UTRN: variants seen among roughly 807,000 people sequenced by gnomAD.
UTRN encodes utrophin, also known as dystrophin-related protein 1.
In UTRN, 283 loss-of-function variants were observed where a neutral mutation model predicts 463.9. That is an observed-to-expected ratio of 0.61 (90% CI 0.55 to 0.67). The LOEUF is 0.67. UTRN is among the 30% of genes least tolerant of loss of function. The pLI is 0.00. For synonymous variants in UTRN, 1,442 were observed against 1,431.5 expected (o/e 1.01, Z -0.17); for missense variants, 3,922 against 4,084.3 (o/e 0.96, Z 1.08).
chr6:144,676,301 C>T (rs558779452), intron 51 of UTRN, among the ~76,000 whole-genome samples: 10 of 152,092 alleles, frequency 6.6e-5, no homozygotes, highest in South Asian at 4.1e-4. Context: ...ATATGTTTTT[C>T]GTGCTTATTC....
chr6:144,295,831 A>G (rs1303678416), intron 2 of UTRN, among the ~76,000 whole-genome samples: 1 of 152,202 alleles, frequency 6.6e-6, no homozygotes, highest in Non-Finnish European at 1.5e-5. Flanking sequence ...AATGTGAGCC[A>G]TACTGAAGTG....
chr6:144,293,105 T>G (rs1344360615), intron 2 of UTRN, among the ~76,000 whole-genome samples: 1 of 152,186 alleles, frequency 6.6e-6, no homozygotes, highest in African/African-American at 2.4e-5. Context: ...TTGTTTTAAA[T>G]GTTTTAGTGG....
chr6:144,287,750 G>T (rs997657244), intron 1 of UTRN, among the ~76,000 whole-genome samples: 1 of 152,160 alleles, frequency 6.6e-6, no homozygotes, highest in Non-Finnish European at 1.5e-5. Flanking sequence ...GAAGCGTTCT[G>T]AAGGGAGAGT....
chr6:144,433,211 A>AC (rs1786072376), intron 9 of UTRN, among the ~76,000 whole-genome samples: 4 of 151,884 alleles, frequency 2.6e-5, no homozygotes, highest in Non-Finnish European at 4.4e-5. Context: ...TACACCTCCC[A>AC]GACGGGGTGG....
At chr6:144,585,508 A>T (rs953574635) in intron 51 of UTRN, among the ~76,000 whole-genome samples, 1 of 152,110 alleles carries the variant, frequency 6.6e-6, no homozygotes, top group Non-Finnish European at 1.5e-5. Flanking sequence ...AAATAAATAA[A>T]CTAGTAACAG....
chr6:144,752,165 T>A (rs2128723781), intron 56 of UTRN, among the ~76,000 whole-genome samples: 1 of 152,346 alleles, frequency 6.6e-6, no homozygotes, highest in East Asian at 1.9e-4. Flanking sequence ...TTTGATGTAC[T>A]ATTCATATGA....
chr6:144,507,977 T>G (rs566987400), intron 34 of UTRN, among the ~76,000 whole-genome samples: 1 of 152,274 alleles, frequency 6.6e-6, no homozygotes, highest in South Asian at 2.1e-4. Flanking sequence ...CTACAGTTGC[T>G]TTTCTGAGCT....
At chr6:144,498,005 G>A (rs1269472362) in intron 33 of UTRN, among the ~76,000 whole-genome samples, 1 of 152,238 alleles carries the variant, frequency 6.6e-6, no homozygotes, top group Non-Finnish European at 1.5e-5. Flanking sequence ...TAAGTAGCAA[G>A]AAGTGGTAGG....
chr6:144,414,326 G>C (rs527477798), intron 3 of UTRN, among the ~76,000 whole-genome samples: 6 of 152,064 alleles, frequency 3.9e-5, no homozygotes, highest in Non-Finnish European at 8.8e-5. Context: ...AGGCTAATGT[G>C]TATGTTTGTG....
chr6:144,420,540 A>G (rs1320810121), intron 3 of UTRN, among the ~76,000 whole-genome samples: 7 of 152,246 alleles, frequency 4.6e-5, no homozygotes, highest in Non-Finnish European at 2.9e-5. Context: ...TTCTGGCATC[A>G]GACACTAGAG....
chr6:144,577,153 T>C lies in UTRN; in HGVS notation c.7344T>C (p.Ser2448=), dbSNP rs114294294. The C allele has an allele frequency of 2.2e-5, 36 of 1,613,946 alleles. No individual in the cohort carries two copies. The East Asian group carries it at 7.8e-4, about 35-fold the overall frequency. ...CTGAGTGGAGGACGGTGCAGGCCTCTCGCAGAGATCTGGAAAACTTCCTGA... is the reference window on the plus strand; with the variant it reads ...CTGAGTGGAGGACGGTGCAGGCCTCCCGCAGAGATCTGGAAAACTTCCTGA... ...LEAEWRTVQA[S]RRDLENFLKW... Residue 2448 remains serine, a synonymous_variant, in exon 51 of 75, where the codon TCT becomes TCC. Coordinates refer to ENST00000367545, the MANE Select transcript of UTRN (RefSeq NM_007124.3).
intron 38 of UTRN, 137 bp downstream of exon 38, chr6:144,516,524 T>C: frequency 9.6e-7 from 1 of 1,042,536 alleles, no homozygotes; most frequent in East Asian, 2.6e-5. Flanking sequence ...TTGATGTGTG[T>C]CAATGTAAGA....
chr6:144,581,890 A>T (rs976030771), intron 51 of UTRN, among the ~76,000 whole-genome samples: 3 of 152,044 alleles, frequency 2.0e-5, no homozygotes, highest in Non-Finnish European at 4.4e-5. Flanking sequence ...TCACTAATCT[A>T]TTTCTATCTA....
intron 51 of UTRN, among the ~76,000 whole-genome samples, chr6:144,655,529 C>T (rs1189792786): frequency 6.6e-6 from 1 of 151,196 alleles, no homozygotes; most frequent in Non-Finnish European, 1.5e-5. Context: ...GCCAGAAACT[C>T]CTCATTTTAG....
intron 51 of UTRN, among the ~76,000 whole-genome samples, chr6:144,610,745 C>G (rs1805412413): frequency 1.3e-5 from 2 of 152,038 alleles, no homozygotes; most frequent in African/African-American, 4.8e-5. Context: ...CGTGGTGGCA[C>G]TTGCCTGTAA....
intron 23 of UTRN, among the ~76,000 whole-genome samples, chr6:144,470,359 G>A (rs906555268): frequency 1.3e-5 from 2 of 151,360 alleles, no homozygotes; most frequent in African/African-American, 4.9e-5. Flanking sequence ...GGTGGCTGCC[G>A]GGCGGAGGGG....
At chr6:144,521,036 A>G (rs1796042626) in intron 39 of UTRN, among the ~76,000 whole-genome samples, 1 of 152,192 alleles carries the variant, frequency 6.6e-6, no homozygotes. Context: ...CTGTAATCCC[A>G]GCACTTTGGG....
At chr6:144,624,855 G>A (rs1170859258) in intron 51 of UTRN, among the ~76,000 whole-genome samples, 1 of 152,156 alleles carries the variant, frequency 6.6e-6, no homozygotes, top group East Asian at 1.9e-4. Flanking sequence ...AGTCTAGATC[G>A]TTTTTGACAG....
At chr6:144,574,307 T>A (rs1191969015) in intron 50 of UTRN, among the ~76,000 whole-genome samples, 4 of 152,174 alleles carry the variant, frequency 2.6e-5, no homozygotes, top group Non-Finnish European at 5.9e-5. Context: ...TTCAAGAATG[T>A]CATATAAACA....
Sources: allele counts gnomAD v4.1 joint callset (sites outside exome capture counted in the v4.1 genomes callset), GRCh38; gene constraint gnomAD v4.1.1; transcripts MANE v1.5; gene names NCBI Gene and HGNC (gene_info 2026-07-23, HGNC 2026-07-21).